NOL4: variants seen among roughly 807,000 people sequenced by gnomAD.
NOL4 encodes the protein nucleolar protein 4.
Under a neutral mutation model 75.9 loss-of-function variants are expected in NOL4, and 17 were observed. The observed-to-expected ratio is 0.22, with a 90% confidence interval of 0.15 to 0.34. NOL4 has a LOEUF of 0.34. Among genes scored for constraint, NOL4 ranks in the 10% least tolerant of loss-of-function variants. The probability of loss-of-function intolerance (pLI) is 1.00; values close to 1 mark genes in which losing one functional copy is unlikely to be tolerated. For missense variants in NOL4, 614 were observed against 793.5 expected, an observed-to-expected ratio of 0.77 and a Z score of 2.72; for synonymous variants, 292 against 289.9, an observed-to-expected ratio of 1.01 and a Z score of -0.07.
At chr18:34,030,636 C>A (rs576877932) in intron 5 of NOL4, among the ~76,000 whole-genome samples, 20 of 152,022 alleles carry the variant, frequency 1.3e-4, no homozygotes, top group African/African-American at 4.6e-4. Context: ...AAATAAGTTC[C>A]AGTTTTCTGT....
chr18:34,076,329 C>T (rs981642424), intron 5 of NOL4, among the ~76,000 whole-genome samples: 4 of 152,088 alleles, frequency 2.6e-5, no homozygotes, highest in Admixed American at 2.0e-4. Context: ...TATACCCATA[C>T]GGAGCGGCCA....
intron 1 of NOL4, among the ~76,000 whole-genome samples, chr18:34,220,264 C>T (rs1198137978): frequency 6.6e-6 from 1 of 152,134 alleles, no homozygotes; most frequent in East Asian, 1.9e-4. Context: ...TAATTAGCCT[C>T]AGCCTGTCCT....
intron 1 of NOL4, among the ~76,000 whole-genome samples, chr18:34,146,979 C>A (rs1449003063): frequency 2.6e-5 from 4 of 152,028 alleles, no homozygotes; most frequent in Non-Finnish European, 4.4e-5. Context: ...CTCTTTGTAG[C>A]AATTGTGATG....
chr18:33,864,159 T>C (rs1249838532), intron 10 of NOL4, among the ~76,000 whole-genome samples: 1 of 152,160 alleles, frequency 6.6e-6, no homozygotes, highest in Non-Finnish European at 1.5e-5. Context: ...AGGCCTATGA[T>C]GGGAGTTACT....
intron 3 of NOL4, among the ~76,000 whole-genome samples, chr18:34,104,752 C>A (rs991984167): frequency 6.6e-6 from 1 of 151,822 alleles, no homozygotes; most frequent in Non-Finnish European, 1.5e-5. Context: ...TGATAGAAAC[C>A]AATTTCCTTG....
At chr18:34,221,290 C>T (rs1179712190) in intron 1 of NOL4, 1 of 152,030 alleles carries the variant, frequency 6.6e-6, no homozygotes, top group African/African-American at 2.4e-5. Flanking sequence ...TGATTTTATC[C>T]ATTCAGTTAG....
intron 1 of NOL4, among the ~76,000 whole-genome samples, chr18:34,204,999 A>G (rs183480339): frequency 3.3e-5 from 5 of 152,226 alleles, no homozygotes; most frequent in African/African-American, 1.2e-4. Flanking sequence ...TTGCATTTCT[A>G]TGTGTATCCT....
intron 9 of NOL4, among the ~76,000 whole-genome samples, chr18:33,933,349 G>A (rs146443205): frequency 1.5e-3 from 221 of 152,236 alleles, no homozygotes; most frequent in African/African-American, 5.1e-3. Flanking sequence ...GAATGATTAA[G>A]GTGATGGTTG....
chr18:33,860,049 G>A (rs970609209), intron 10 of NOL4, among the ~76,000 whole-genome samples: 1 of 152,170 alleles, frequency 6.6e-6, no homozygotes, highest in Non-Finnish European at 1.5e-5. Context: ...CAGAGGGAAA[G>A]CAGGCATATC....
intron 1 of NOL4, among the ~76,000 whole-genome samples, chr18:34,177,502 A>C (rs1418085789): frequency 6.6e-6 from 1 of 152,018 alleles, no homozygotes; most frequent in East Asian, 1.9e-4. Flanking sequence ...GATATGGTTT[A>C]GCATGAAAAC....
At chr18:33,929,043 C>T (rs1038486882) in intron 9 of NOL4, among the ~76,000 whole-genome samples, 8 of 151,360 alleles carry the variant, frequency 5.3e-5, no homozygotes, top group Non-Finnish European at 8.8e-5. Flanking sequence ...CCCACAGTAT[C>T]GGGATCTCAC....
chr18:34,203,717 T>TCTCTCACCCACA, intron 1 of NOL4, among the ~76,000 whole-genome samples: 1 of 72,264 alleles, frequency 1.4e-5, no homozygotes, highest in Non-Finnish European at 2.7e-5. Flanking sequence ...TCTCTCTCTC[T>TCTCTCACCCACA]CACACACACA....
intron 5 of NOL4, among the ~76,000 whole-genome samples, chr18:34,026,278 C>A (rs2144581117): frequency 6.6e-6 from 1 of 152,294 alleles, no homozygotes; most frequent in South Asian, 2.1e-4. Context: ...GCCCTCCTCC[C>A]TCCCCATGCA....
intron 10 of NOL4, among the ~76,000 whole-genome samples, chr18:33,881,552 A>G (rs1467571003): frequency 6.6e-6 from 1 of 151,922 alleles, no homozygotes; most frequent in Non-Finnish European, 1.5e-5. Context: ...AGGAAATAAA[A>G]GAGGATACAA....
intron 10 of NOL4, among the ~76,000 whole-genome samples, chr18:33,857,155 A>G (rs1430806479): frequency 6.6e-6 from 1 of 152,054 alleles, no homozygotes; most frequent in Non-Finnish European, 1.5e-5. Flanking sequence ...CAGATTAATT[A>G]CTTCCTATTA....
At chr18:34,074,082 G>A (rs900716022) in intron 5 of NOL4, among the ~76,000 whole-genome samples, 1 of 151,704 alleles carries the variant, frequency 6.6e-6, no homozygotes, top group Admixed American at 6.6e-5. Context: ...AATATTTGAA[G>A]TAATTACTTT....
At chr18:33,861,432 G>T (rs1351110050) in intron 10 of NOL4, among the ~76,000 whole-genome samples, 2 of 152,142 alleles carry the variant, frequency 1.3e-5, no homozygotes, top group African/African-American at 4.8e-5. Context: ...AGAGGTGTTT[G>T]TAGTATTCTC....
chr18:33,914,843 T>C (rs895780773), intron 9 of NOL4, among the ~76,000 whole-genome samples: 3 of 152,102 alleles, frequency 2.0e-5, no homozygotes, highest in African/African-American at 4.8e-5. Flanking sequence ...TTAACATCCA[T>C]CCAAGAGTAC....
intron 9 of NOL4, among the ~76,000 whole-genome samples, chr18:33,941,635 C>A (rs1038994645): frequency 2.0e-5 from 3 of 151,530 alleles, no homozygotes; most frequent in Admixed American, 6.6e-5. Context: ...ATGAATCTGT[C>A]ATTTAAAGTT....
Sources: allele counts gnomAD v4.1 joint callset (sites outside exome capture counted in the v4.1 genomes callset), GRCh38; gene constraint gnomAD v4.1.1; transcripts MANE v1.5; gene names NCBI Gene and HGNC (gene_info 2026-07-23, HGNC 2026-07-21).